The following OR2L13 variants were observed in gnomAD, a reference collection of about 807,000 sequenced individuals.
OR2L13 encodes olfactory receptor family 2 subfamily L member 13.
OR2L13 carries 14 observed loss-of-function variants against 15.3 expected under a neutral mutation model. That is an observed-to-expected ratio of 0.91 (90% confidence interval 0.60 to 1.43). OR2L13 has a LOEUF of 1.43. OR2L13 is among the 40% of genes most tolerant of loss of function. OR2L13 has a pLI of 0.00. For missense variants in OR2L13, 367 were observed against 387.9 expected, an observed-to-expected ratio of 0.95 and a Z score of 0.45; for synonymous variants, 152 against 142.9, an observed-to-expected ratio of 1.06 and a Z score of -0.45.
the OR2L13 span, among the ~76,000 whole-genome samples, chr1:247,995,429 A>G: frequency 2.0e-5 from 3 of 152,132 alleles, no homozygotes; most frequent in Admixed American, 6.5e-5. Flanking sequence ...TCTGCATTCA[A>G]CCTATTCATA....
chr1:248,042,783 A>G, the OR2L13 span, among the ~76,000 whole-genome samples: 1 of 152,220 alleles, frequency 6.6e-6, no homozygotes, highest in Non-Finnish European at 1.5e-5. Context: ...CTCATATTTT[A>G]TAATCACTGC....
the OR2L13 span, among the ~76,000 whole-genome samples, chr1:248,031,584 A>G: frequency 2.0e-5 from 3 of 151,986 alleles, no homozygotes; most frequent in Non-Finnish European, 4.4e-5. Flanking sequence ...TTTCTATCCA[A>G]TGGTCTGGCT....
chr1:247,957,154 A>G, the OR2L13 span, among the ~76,000 whole-genome samples: 120,982 of 151,650 alleles, frequency 0.8, 52,436 homozygotes, highest in South Asian at 0.95. Context: ...TTTAGCATGA[A>G]CGTTGTTGAA....
the OR2L13 span, chr1:248,051,258 A>C: frequency 2.0e-5 from 3 of 152,214 alleles, no homozygotes; most frequent in African/African-American, 7.2e-5. Context: ...GAATTCTTAC[A>C]ATATTTGTCT....
chr1:247,985,459 A>G, the OR2L13 span, among the ~76,000 whole-genome samples: 38 of 152,300 alleles, frequency 2.5e-4, no homozygotes, highest in African/African-American at 7.9e-4. Flanking sequence ...TTATGGCTGC[A>G]TAGTATTCCA....
chr1:248,046,500 A>G, the OR2L13 span, among the ~76,000 whole-genome samples: 22 of 152,314 alleles, frequency 1.4e-4, no homozygotes, highest in Admixed American at 1.4e-3. Context: ...TAATGTGAAT[A>G]AATATATTTG....
At chr1:247,965,677 A>G in the OR2L13 span, 27 of 1,549,172 alleles carry the variant, frequency 1.7e-5, no homozygotes, top group East Asian at 5.6e-4. Context: ...TGAGATTCAA[A>G]CGTATGTGTT....
chr1:247,990,357 A>C, the OR2L13 span: 2 of 1,534,468 alleles, frequency 1.3e-6, no homozygotes, highest in Non-Finnish European at 9.0e-7. Flanking sequence ...CATTCTCATT[A>C]ATTTCGTTTT....
the OR2L13 span, among the ~76,000 whole-genome samples, chr1:248,067,561 G>A: frequency 6.6e-6 from 1 of 152,272 alleles, no homozygotes; most frequent in Non-Finnish European, 1.5e-5. Flanking sequence ...CTCCCAGCGT[G>A]AGCGATGCAG....
At chr1:247,967,215 T>TG in the OR2L13 span, among the ~76,000 whole-genome samples, 1 of 152,092 alleles carries the variant, frequency 6.6e-6, no homozygotes, top group Non-Finnish European at 1.5e-5. Flanking sequence ...TTCTTTCTTT[T>TG]TTTGTTTGTT....
At chr1:247,961,345 A>G in the OR2L13 span, among the ~76,000 whole-genome samples, 1 of 152,156 alleles carries the variant, frequency 6.6e-6, no homozygotes, top group Admixed American at 6.6e-5. Flanking sequence ...GTAAGAAGAT[A>G]GTATTGAGAA....
At chr1:248,038,722 C>T in the OR2L13 span, 1 of 1,614,122 alleles carries the variant, frequency 6.2e-7, no homozygotes, top group Non-Finnish European at 8.5e-7. Flanking sequence ...ATGATAAGCT[C>T]TATCAACTCT....
chr1:248,056,322 T>C, the OR2L13 span, among the ~76,000 whole-genome samples: 1 of 152,090 alleles, frequency 6.6e-6, no homozygotes, highest in African/African-American at 2.4e-5. Flanking sequence ...GGATTCATTG[T>C]TTGAAGGGTT....
chr1:247,993,074 G>T, the OR2L13 span, among the ~76,000 whole-genome samples: 1 of 152,058 alleles, frequency 6.6e-6, no homozygotes. Flanking sequence ...ATAGTGACTG[G>T]TATAAAATGG....
exon 3 of OR2L13, chr1:248,099,450 T>C (rs1390057577): frequency 6.2e-7 from 1 of 1,613,938 alleles, no homozygotes; most frequent in Non-Finnish European, 8.5e-7. Flanking sequence ...CTGGAATATT[T>C]CTCTTGTGCC....
At chr1:247,971,929 A>G in the OR2L13 span, among the ~76,000 whole-genome samples, 1 of 152,224 alleles carries the variant, frequency 6.6e-6, no homozygotes, top group African/African-American at 2.4e-5. Flanking sequence ...CTCTGAGACC[A>G]CAGTGCAATC....
chr1:248,061,323 A>G, the OR2L13 span: 13 of 1,613,498 alleles, frequency 8.1e-6, no homozygotes, highest in Non-Finnish European at 1.1e-5. Context: ...TTGCTATTTC[A>G]TGTTCCTATG....
the OR2L13 span, among the ~76,000 whole-genome samples, chr1:247,942,533 T>C: frequency 7.2e-5 from 11 of 152,102 alleles, no homozygotes; most frequent in Admixed American, 5.9e-4. Flanking sequence ...CAGTCTCTTA[T>C]TGATTCCTAA....
the OR2L13 span, among the ~76,000 whole-genome samples, chr1:248,053,249 C>T: frequency 2.0e-5 from 3 of 152,168 alleles, no homozygotes; most frequent in East Asian, 5.8e-4. Context: ...ATAATGGCTT[C>T]CAGCTTCATC....
Sources: allele counts gnomAD v4.1 joint callset (sites outside exome capture counted in the v4.1 genomes callset), GRCh38; gene constraint gnomAD v4.1.1; transcripts MANE v1.5; gene names NCBI Gene and HGNC (gene_info 2026-07-23, HGNC 2026-07-21).